The following ADARB2 variants were observed in gnomAD, a reference collection of about 807,000 sequenced individuals.
ADARB2 encodes adenosine deaminase RNA specific B2 (inactive).
ADARB2 carries 25 observed loss-of-function variants against 62.2 expected under a neutral mutation model. The observed-to-expected ratio is 0.40, with a 90% CI of 0.29 to 0.56. The LOEUF (loss-of-function observed/expected upper bound fraction) is 0.56, where lower values mean the gene tolerates loss of function less well. Among genes scored for constraint, ADARB2 ranks in the 20% least tolerant of loss-of-function variants. The pLI is 0.43. For synonymous variants in ADARB2, 572 were observed against 500.8 expected (o/e 1.14, Z -1.90); for missense variants, 1,071 against 1,077.4 (o/e 0.99, Z 0.08).
chr10:1,466,469 G>A (rs900889057), intron 1 of ADARB2, among the ~76,000 whole-genome samples: 2 of 152,178 alleles, frequency 1.3e-5, no homozygotes, highest in Non-Finnish European at 2.9e-5. Context: ...CTGAGCACAC[G>A]GAGGTCCTTG....
At chr10:1,293,235 AGAGAGGGACGGG>A (rs1831491910) in intron 3 of ADARB2, among the ~76,000 whole-genome samples, 2 of 112,320 alleles carry the variant, frequency 1.8e-5, no homozygotes, top group Non-Finnish European at 3.6e-5. Flanking sequence ...ACGGGGAGGG[AGAGAGGGACGGG>A]GGGAGAGGGA....
chr10:1,206,571 C>T (rs1034217812), intron 7 of ADARB2, among the ~76,000 whole-genome samples: 9 of 152,218 alleles, frequency 5.9e-5, no homozygotes, highest in Admixed American at 3.9e-4. Flanking sequence ...CTGCGGTGGC[C>T]CCTTGTGGGC....
intron 1 of ADARB2, among the ~76,000 whole-genome samples, chr10:1,628,486 C>G (rs1446510949): frequency 1.3e-5 from 2 of 152,214 alleles, no homozygotes; most frequent in African/African-American, 4.8e-5. Context: ...GAGAATGACA[C>G]AGATATTAAA....
At chr10:1,347,954 G>GGA (rs1038087744) in intron 3 of ADARB2, among the ~76,000 whole-genome samples, 1 of 151,798 alleles carries the variant, frequency 6.6e-6, no homozygotes. Flanking sequence ...AGATAGGGGT[G>GGA]GAGAGAGACA....
chr10:1,651,807 C>T (rs111597981), intron 1 of ADARB2, among the ~76,000 whole-genome samples: 7 of 149,632 alleles, frequency 4.7e-5, no homozygotes, highest in African/African-American at 1.7e-4. Flanking sequence ...TGAAGGTGAC[C>T]ATCACACAGG....
At position 1,536,963 on chromosome 10, in the gene ADARB2, G is replaced by A. The variant is rs748643436; in HGVS notation, c.101-157803C>T. Among the ~76,000 whole-genome samples the A allele has an allele frequency of 4.0e-4, 61 of 152,134 alleles. 1 individual carries two copies. The highest frequency in any genetic ancestry group is 1.3e-3 in the Admixed American group (20 of 15,274). ...CAACAAAAGCCAAAATTGATAAATGGGATTGAATTAAACTAAAGAGCTTCT... is the reference window on the plus strand; with the variant it reads ...CAACAAAAGCCAAAATTGATAAATGAGATTGAATTAAACTAAAGAGCTTCT... On this transcript the variant is annotated intron_variant, in intron 1 of 9. Transcript: ENST00000381312.
chr10:1,332,841 T>C (rs996670671), intron 3 of ADARB2, among the ~76,000 whole-genome samples: 1 of 152,246 alleles, frequency 6.6e-6, no homozygotes, highest in African/African-American at 2.4e-5. Flanking sequence ...GTCTAATTGA[T>C]TAAGTTGTAA....
chr10:1,723,540 T>G (rs2119168356), intron 1 of ADARB2, among the ~76,000 whole-genome samples: 1 of 152,324 alleles, frequency 6.6e-6, no homozygotes, highest in African/African-American at 2.4e-5. Flanking sequence ...TCTTAGGTCC[T>G]TTTTACCTCC....
chr10:1,659,329 T>C (rs1834213393), intron 1 of ADARB2, among the ~76,000 whole-genome samples: 1 of 152,188 alleles, frequency 6.6e-6, no homozygotes, highest in Admixed American at 6.5e-5. Flanking sequence ...CCCGGGCTCC[T>C]CTGCTGCTCA....
chr10:1,464,539 C>T (rs1831225058), intron 1 of ADARB2, among the ~76,000 whole-genome samples: 1 of 80,096 alleles, frequency 1.2e-5, no homozygotes, highest in African/African-American at 4.1e-5. Flanking sequence ...ACACACTCCC[C>T]CACACACGCG....
intron 1 of ADARB2, among the ~76,000 whole-genome samples, chr10:1,512,012 A>T (rs975048522): frequency 6.6e-6 from 1 of 151,986 alleles, no homozygotes; most frequent in Non-Finnish European, 1.5e-5. Context: ...TACATTGGAT[A>T]CCAAGAGGTC....
intron 2 of ADARB2, among the ~76,000 whole-genome samples, chr10:1,373,758 CAT>C (rs1564272797): frequency 1.1e-4 from 8 of 73,206 alleles, no homozygotes; most frequent in South Asian, 4.1e-4. Flanking sequence ...ATGTGGACTC[CAT>C]GCACCTTTCC....
chr10:1,564,564 G>GA (rs1450614983), intron 1 of ADARB2, among the ~76,000 whole-genome samples: 1 of 151,664 alleles, frequency 6.6e-6, no homozygotes, highest in Non-Finnish European at 1.5e-5. Context: ...AAATTTACAA[G>GA]AAAAAAACAA....
intron 1 of ADARB2, among the ~76,000 whole-genome samples, chr10:1,436,949 G>A (rs1173990197): frequency 6.6e-6 from 1 of 152,162 alleles, no homozygotes; most frequent in East Asian, 1.9e-4. Context: ...AATCAGAAAA[G>A]TATAGTAGTT....
intron 1 of ADARB2, among the ~76,000 whole-genome samples, chr10:1,430,066 A>G (rs1830764546): frequency 6.6e-6 from 1 of 152,226 alleles, no homozygotes; most frequent in African/African-American, 2.4e-5. Flanking sequence ...CGCTCTCTAT[A>G]TATAGAGGAT....
rs1835217263 is a variant in ADARB2, at chr10:1,730,521, G to A, written c.100+6530C>T. ...TGGAAGCAGCTCAACGAAGCCACCT[G>A]AATGCCACAATTTTAAGTGTACACA... On this transcript the variant is annotated intron_variant, in intron 1 of 9. Transcript: ENST00000381312. Among the ~76,000 whole-genome samples, 4 of 152,258 alleles carry A rather than the reference G, an allele frequency of 2.6e-5. No homozygotes were observed. The South Asian group carries it at 8.3e-4, about 32-fold the overall frequency.
At chr10:1,561,963 T>A (rs2131986611) in intron 1 of ADARB2, among the ~76,000 whole-genome samples, 1 of 152,360 alleles carries the variant, frequency 6.6e-6, no homozygotes, top group Admixed American at 6.5e-5. Context: ...CAGATCCTGC[T>A]AAAATGCTTC....
At chr10:1,516,740 C>T (rs530381218) in intron 1 of ADARB2, among the ~76,000 whole-genome samples, 2 of 152,278 alleles carry the variant, frequency 1.3e-5, no homozygotes, top group Admixed American at 1.3e-4. Context: ...AACTGTGATG[C>T]GACAGAGATG....
At chr10:1,637,377 CA>C (rs1318819748) in intron 1 of ADARB2, among the ~76,000 whole-genome samples, 2 of 152,158 alleles carry the variant, frequency 1.3e-5, no homozygotes. Context: ...AATCACATAG[CA>C]ATCCCCAAAT....
Sources: allele counts gnomAD v4.1 joint callset (sites outside exome capture counted in the v4.1 genomes callset), GRCh38; gene constraint gnomAD v4.1.1; transcripts MANE v1.5; gene names NCBI Gene and HGNC (gene_info 2026-07-23, HGNC 2026-07-21).